LUZP2: variants seen among roughly 807,000 people sequenced by gnomAD.
LUZP2 encodes leucine zipper protein 2.
Under a neutral mutation model 51.6 loss-of-function variants are expected in LUZP2, and 52 were observed. That is an observed-to-expected ratio of 1.01 (90% CI 0.81 to 1.27). The LOEUF is 1.27. Ranked by LOEUF, LUZP2 falls within the 50% of genes most tolerant of loss-of-function variation. LUZP2 has a pLI of 0.00. For missense variants in LUZP2, 436 were observed against 395.4 expected, an observed-to-expected ratio of 1.10 and a Z score of -0.87; for synonymous variants, 154 against 137.3, an observed-to-expected ratio of 1.12 and a Z score of -0.85.
chr11:24,599,694 T>A (rs780653096), intron 1 of LUZP2, among the ~76,000 whole-genome samples: 1 of 152,208 alleles, frequency 6.6e-6, no homozygotes, highest in South Asian at 2.1e-4. Flanking sequence ...TTTCACAGTT[T>A]TTTTCTGTGT....
intron 7 of LUZP2, among the ~76,000 whole-genome samples, chr11:24,919,519 A>G (rs1282136687): frequency 7.2e-6 from 1 of 139,024 alleles, no homozygotes; most frequent in Non-Finnish European, 1.5e-5. Context: ...TAATCTATAT[A>G]TTCTTTATAT....
At chr11:24,806,041 G>T (rs1849847595) in intron 5 of LUZP2, among the ~76,000 whole-genome samples, 1 of 152,292 alleles carries the variant, frequency 6.6e-6, no homozygotes, top group Middle Eastern at 3.4e-3. Context: ...TGAAATACTA[G>T]TGTTGGAAGA....
rs562477611 is a variant in LUZP2, at chr11:25,043,044, T to G, written c.766-6994T>G. On this transcript the variant is annotated intron_variant, in intron 9 of 11. Coordinates refer to ENST00000336930, the MANE Select transcript of LUZP2 (RefSeq NM_001009909.4). Reference sequence around the variant, plus strand: ...CAGAGAACTTGTTTCCTTTGTGCTGTGGGAATAGTTCTAAGATGGCCATCT... The same window carrying G: ...CAGAGAACTTGTTTCCTTTGTGCTGGGGGAATAGTTCTAAGATGGCCATCT... Among the ~76,000 whole-genome samples the G allele has an allele frequency of 3.2e-3, 494 of 152,286 alleles. 2 individuals are homozygous for G. Among genetic ancestry groups the G allele is most frequent in the African/African-American group, 0.011 (470 of 41,564 alleles).
intron 1 of LUZP2, among the ~76,000 whole-genome samples, chr11:24,650,328 C>T (rs1225246735): frequency 2.0e-5 from 3 of 151,860 alleles, no homozygotes; most frequent in Non-Finnish European, 2.9e-5. Context: ...TAGCAAAATT[C>T]TAATGATTTT....
At chr11:24,751,327 T>TA (rs1859578977) in intron 4 of LUZP2, 3 of 152,060 alleles carry the variant, frequency 2.0e-5, no homozygotes, top group Admixed American at 2.0e-4. Context: ...GAAGAGATCG[T>TA]TGTGATTAGT....
intron 1 of LUZP2, among the ~76,000 whole-genome samples, chr11:24,689,283 C>G (rs4277108): frequency 0.93 from 141,437 of 152,238 alleles, 65,721 homozygotes; most frequent in Admixed American, 0.95. Flanking sequence ...GCAGTGGCCT[C>G]CAAGCATTTG....
At chr11:24,846,631 A>C (rs1240440996) in intron 5 of LUZP2, among the ~76,000 whole-genome samples, 1 of 152,160 alleles carries the variant, frequency 6.6e-6, no homozygotes, top group Non-Finnish European at 1.5e-5. Context: ...GGAAAATCCC[A>C]GGCTTTCATG....
At chr11:25,028,047 T>C (rs1565250178) in intron 9 of LUZP2, among the ~76,000 whole-genome samples, 1 of 152,052 alleles carries the variant, frequency 6.6e-6, no homozygotes, top group African/African-American at 2.4e-5. Flanking sequence ...GTTTTAACTT[T>C]TGATTTATTT....
chr11:25,062,143 G>A lies in LUZP2; in HGVS notation c.858+12013G>A, dbSNP rs531654834. ...AGAAAAAGGAGGGAGACAGGAGAAA[G>A]GAAGGGAAAAAGGGAAGGGAAAGAA... On this transcript the variant is annotated intron_variant, in intron 10 of 11. Transcript: ENST00000336930. Among the ~76,000 whole-genome samples the A allele has an allele frequency of 6.6e-5, 10 of 151,084 alleles. No individual in the cohort carries two copies. In the East Asian group the frequency reaches 1.4e-3, roughly 21 times the overall value.
chr11:24,566,326 A>AT (rs869144004), intron 1 of LUZP2, among the ~76,000 whole-genome samples: 3 of 93,000 alleles, frequency 3.2e-5, no homozygotes, highest in African/African-American at 7.7e-5. Flanking sequence ...TTATTTATTT[A>AT]TTTTTTTTTT....
chr11:24,777,804 G>A (rs75528761), intron 5 of LUZP2, among the ~76,000 whole-genome samples: 1,918 of 151,858 alleles, frequency 0.013, 16 homozygotes, highest in Non-Finnish European at 0.016. Flanking sequence ...CTCTTCTGTG[G>A]TTTTTATTTT....
At chr11:24,837,203 T>C (rs1850887168) in intron 5 of LUZP2, among the ~76,000 whole-genome samples, 1 of 151,748 alleles carries the variant, frequency 6.6e-6, no homozygotes, top group Non-Finnish European at 1.5e-5. Context: ...TATACTTTCC[T>C]TTTACAGGAA....
At chr11:24,511,809 G>A (rs1850319575) in intron 1 of LUZP2, among the ~76,000 whole-genome samples, 1 of 152,164 alleles carries the variant, frequency 6.6e-6, no homozygotes, top group African/African-American at 2.4e-5. Flanking sequence ...TGAGTGGAAA[G>A]AGAACACTTA....
At chr11:24,642,886 A>C (rs1315900686) in intron 1 of LUZP2, among the ~76,000 whole-genome samples, 1 of 152,176 alleles carries the variant, frequency 6.6e-6, no homozygotes, top group Non-Finnish European at 1.5e-5. Context: ...TGCTGGAGAC[A>C]GCTCAGGATG....
chr11:24,845,955 G>A (rs1282965058), intron 5 of LUZP2, among the ~76,000 whole-genome samples: 1 of 151,938 alleles, frequency 6.6e-6, no homozygotes, highest in African/African-American at 2.4e-5. Flanking sequence ...GAACTAGATA[G>A]GAATTTACTT....
chr11:24,575,266 T>G (rs140988233), intron 1 of LUZP2, among the ~76,000 whole-genome samples: 1 of 152,286 alleles, frequency 6.6e-6, no homozygotes, highest in East Asian at 1.9e-4. Context: ...TTTCTAATTC[T>G]GCTTTTCTTA....
intron 5 of LUZP2, among the ~76,000 whole-genome samples, chr11:24,804,463 C>T (rs1849794056): frequency 6.6e-6 from 1 of 152,112 alleles, no homozygotes; most frequent in Non-Finnish European, 1.5e-5. Flanking sequence ...CAGGAGCCTT[C>T]ATAAACAAAG....
At chr11:24,952,201 C>CATAGATG (rs1276670290) in intron 7 of LUZP2, among the ~76,000 whole-genome samples, 5 of 151,522 alleles carry the variant, frequency 3.3e-5, no homozygotes, top group African/African-American at 1.2e-4. Context: ...TCATCGCCAT[C>CATAGATG]GTTATTTTTC....
chr11:24,997,550 G>T (rs369692570), intron 9 of LUZP2, among the ~76,000 whole-genome samples: 42 of 152,134 alleles, frequency 2.8e-4, no homozygotes, highest in Non-Finnish European at 5.3e-4. Context: ...TTGCGAAAAT[G>T]TTCTCCCATT....
Sources: allele counts gnomAD v4.1 joint callset (sites outside exome capture counted in the v4.1 genomes callset), GRCh38; gene constraint gnomAD v4.1.1; transcripts MANE v1.5; gene names NCBI Gene and HGNC (gene_info 2026-07-23, HGNC 2026-07-21).